The following COL14A1 variants were observed in gnomAD, a reference collection of about 807,000 sequenced individuals.
The protein encoded by COL14A1 is collagen alpha-1(XIV) chain.
Under a neutral mutation model 230.3 loss-of-function variants are expected in COL14A1, and 136 were observed. The ratio of observed to expected loss-of-function variants is 0.59; its 90% CI spans 0.51 to 0.68. The LOEUF is 0.68. COL14A1 is among the 30% of genes least tolerant of loss of function. The pLI is 0.00. For synonymous variants in COL14A1, 792 were observed against 784.1 expected (o/e 1.01, Z -0.17); for missense variants, 1,976 against 2,215.8 (o/e 0.89, Z 2.17).
intron 2 of COL14A1, among the ~76,000 whole-genome samples, chr8:120,151,513 G>C (rs976404660): frequency 6.6e-6 from 1 of 151,692 alleles, no homozygotes; most frequent in African/African-American, 2.4e-5. Context: ...GATGGTGCGC[G>C]CCTGTAGTCC....
chr8:120,281,323 A>G (rs1182838846), intron 31 of COL14A1, among the ~76,000 whole-genome samples: 1 of 152,108 alleles, frequency 6.6e-6, no homozygotes, highest in Non-Finnish European at 1.5e-5. Context: ...ACACTTTGGG[A>G]GGCCAAGGTG....
At chr8:120,242,348 T>C (rs892844975) in intron 19 of COL14A1, among the ~76,000 whole-genome samples, 1 of 152,206 alleles carries the variant, frequency 6.6e-6, no homozygotes, top group Admixed American at 6.5e-5. Flanking sequence ...AGCTAATGAG[T>C]CTTCTAAAAC....
chr8:120,209,452 G>A (rs1817552545), intron 11 of COL14A1, among the ~76,000 whole-genome samples: 1 of 152,124 alleles, frequency 6.6e-6, no homozygotes, highest in African/African-American at 2.4e-5. Flanking sequence ...TTAGTGCAAT[G>A]AAGGGCTGTA....
At position 120,226,735 on chromosome 8, in the gene COL14A1, G is replaced by A; in HGVS notation, c.1973G>A (p.Trp658Ter). 6.2e-7 allele frequency: 1 copy of A among 1,613,706 alleles called. No homozygotes were observed. Among genetic ancestry groups the A allele is most frequent in the Non-Finnish European group, 8.5e-7 (1 of 1,179,806 alleles). Reference sequence around the variant, plus strand: ...GATGAAGGGCTACACAAATTGATGTGGATTCCAGTCTATGGGGGGAAGACT... The same window carrying A: ...GATGAAGGGCTACACAAATTGATGTAGATTCCAGTCTATGGGGGGAAGACT... ...SADEGLHKLMWIPVYGGKTEE... is the reference protein window; with the variant it reads ...SADEGLHKLM Residue 658 changes from tryptophan to a stop codon, truncating the protein, a stop_gained, in exon 16 of 48, where the codon TGG becomes TAG. Coordinates refer to ENST00000297848, the MANE Select transcript of COL14A1 (RefSeq NM_021110.4). LOFTEE classifies it high-confidence loss of function.
At chr8:120,170,690 A>G (rs1329300620) in intron 5 of COL14A1, among the ~76,000 whole-genome samples, 5 of 152,112 alleles carry the variant, frequency 3.3e-5, no homozygotes, top group Non-Finnish European at 5.9e-5. Context: ...CTAGATACAT[A>G]AAAATAAGAA....
intron 2 of COL14A1, among the ~76,000 whole-genome samples, chr8:120,152,210 C>G (rs1285101858): frequency 6.6e-6 from 1 of 151,818 alleles, no homozygotes; most frequent in African/African-American, 2.4e-5. Flanking sequence ...GTCTGTAATC[C>G]CAGCACTTTG....
rs1821008741 is a variant in COL14A1 at position 120,310,735 on chromosome 8, C to T, written c.4455+673C>T. On this transcript the variant is annotated intron_variant, in intron 37 of 47. Coordinates refer to ENST00000297848, the MANE Select transcript of COL14A1 (RefSeq NM_021110.4). ...TGGTCTTCTGTCCCAAGTGGCTTAA[C>T]ATTTCGATTGATTCTTCACATCTGC... 2.0e-5 allele frequency among the ~76,000 whole-genome samples: 3 copies of T among 152,248 alleles called. No individual in the cohort carries two copies. The South Asian group carries it at 6.2e-4, about 32-fold the overall frequency.
chr8:120,126,836 G>T (rs963159159), intron 1 of COL14A1, among the ~76,000 whole-genome samples: 2 of 152,202 alleles, frequency 1.3e-5, no homozygotes, highest in African/African-American at 4.8e-5. Flanking sequence ...TGAATATTTG[G>T]TTTTTCAGAA....
At chr8:120,255,176 C>G in intron 22 of COL14A1, 64 bp from the exon 23 acceptor site, 1 of 1,325,538 alleles carries the variant, frequency 7.5e-7, no homozygotes, top group South Asian at 1.2e-5. Flanking sequence ...AAGTTAATTT[C>G]AGATTCAGGG....
chr8:120,293,933 G>A (rs1189050620), intron 34 of COL14A1, among the ~76,000 whole-genome samples: 1 of 151,744 alleles, frequency 6.6e-6, no homozygotes, highest in African/African-American at 2.4e-5. Flanking sequence ...TAAATTGATT[G>A]AAAACAAGTT....
At chr8:120,175,729 T>G (rs1305513791) in intron 5 of COL14A1, among the ~76,000 whole-genome samples, 2 of 152,218 alleles carry the variant, frequency 1.3e-5, no homozygotes, top group Non-Finnish European at 2.9e-5. Context: ...CTAAAATATT[T>G]TCTGTTTTGC....
At chr8:120,252,697 G>A (rs566880377) in intron 22 of COL14A1, among the ~76,000 whole-genome samples, 6 of 152,312 alleles carry the variant, frequency 3.9e-5, no homozygotes, top group Non-Finnish European at 8.8e-5. Context: ...ACGTGCTTAC[G>A]ATGTGGCAAA....
At chr8:120,359,043 C>T (rs16918566) in intron 45 of COL14A1, among the ~76,000 whole-genome samples, 3,140 of 150,828 alleles carry the variant, frequency 0.021, 106 homozygotes, top group African/African-American at 0.071. Context: ...AATGAGTATC[C>T]TTGATTTTGG....
Position 120,206,980 on chromosome 8 carries a change from G to A in COL14A1, c.1077G>A (p.Leu359=). Residue 359 remains leucine (L), a synonymous_variant, in exon 10 of 48, where the codon TTG becomes TTA. Coordinates refer to ENST00000297848, the MANE Select transcript of COL14A1 (RefSeq NM_021110.4). ...AHAITGPPTE[L]ITSEVTARSF... ...CCATCACTGGGCCGCCTACGGAGTTGATTACTTCTGAAGTCACTGCCAGAA... is the reference window on the plus strand; with the variant it reads ...CCATCACTGGGCCGCCTACGGAGTTAATTACTTCTGAAGTCACTGCCAGAA... 6.2e-7 allele frequency: 1 copy of A among 1,613,372 alleles called. No homozygotes were observed. The highest frequency in any genetic ancestry group is 8.5e-7 in the Non-Finnish European group (1 of 1,179,798).
chr8:120,266,824 C>T lies in COL14A1; in HGVS notation c.3017-3C>T. The T allele has an allele frequency of 5.0e-6, 8 of 1,611,148 alleles. No homozygotes were observed. Among genetic ancestry groups the T allele is most frequent in the Non-Finnish European group, 6.8e-6 (8 of 1,177,834 alleles). ...TGATGTCCTTTCTCCCTTTCCTTTA[C>T]AGAATCACTTCCTACACGACCACCA... On this transcript the variant is annotated splice_polypyrimidine_tract_variant and splice_region_variant and intron_variant, in intron 24 of 47. Transcript: ENST00000297848.
intron 12 of COL14A1, among the ~76,000 whole-genome samples, chr8:120,211,545 A>G (rs112860763): frequency 6.6e-6 from 1 of 152,336 alleles, no homozygotes; most frequent in African/African-American, 2.4e-5. Flanking sequence ...AGAAAGAATG[A>G]GAAAGACCTG....
chr8:120,369,329 G>A lies in COL14A1; in HGVS notation c.5156-1G>A. ...GGTTTTCATCTGTGGGTACTTCTTAGGACCTTCAGGGGAGAGTCGGCCTGG... is the reference window on the plus strand; with the variant it reads ...GGTTTTCATCTGTGGGTACTTCTTAAGACCTTCAGGGGAGAGTCGGCCTGG... On this transcript the variant is annotated splice_acceptor_variant, in intron 46 of 47. Coordinates refer to ENST00000297848, the MANE Select transcript of COL14A1 (RefSeq NM_021110.4). LOFTEE classifies it high-confidence loss of function. 1 of 1,564,538 alleles carries A rather than the reference G, an allele frequency of 6.4e-7. No homozygotes were observed. The highest frequency in any genetic ancestry group is 8.6e-7 in the Non-Finnish European group (1 of 1,157,002).
chr8:120,330,805 A>G (rs993486114), intron 40 of COL14A1, among the ~76,000 whole-genome samples: 1 of 152,178 alleles, frequency 6.6e-6, no homozygotes, highest in Admixed American at 6.5e-5. Context: ...GTCTGGACAG[A>G]CCTAAAAGAT....
At position 120,196,890 on chromosome 8, in the gene COL14A1, A is replaced by G. The variant is rs764685863; in HGVS notation, c.536A>G (p.His179Arg). 1 of 1,614,130 alleles carries G rather than the reference A, an allele frequency of 6.2e-7. No homozygotes were observed. Among genetic ancestry groups the G allele is most frequent in the East Asian group, 2.2e-5 (1 of 44,860 alleles). The change falls in exon 6 of 48, where the codon CAT (histidine) becomes CGT (arginine). Residue 179 changes from histidine to arginine, a missense_variant. By Grantham distance (29) the His-to-Arg change is conservative. Transcript: ENST00000297848. Reference protein sequence around the residue: ...IGRFNFRLVRHFLENLVTAFD... With the variant: ...IGRFNFRLVRRFLENLVTAFD... Reference sequence around the variant, plus strand: ...AGATTCAACTTCAGACTGGTTCGGCATTTCTTGGAAAACCTGGTTACAGCA... The same window carrying G: ...AGATTCAACTTCAGACTGGTTCGGCGTTTCTTGGAAAACCTGGTTACAGCA...
Sources: allele counts gnomAD v4.1 joint callset (sites outside exome capture counted in the v4.1 genomes callset), GRCh38; gene constraint gnomAD v4.1.1; transcripts MANE v1.5; gene names NCBI Gene and HGNC (gene_info 2026-07-23, HGNC 2026-07-21).